Variants in PCDHGA2 observed in about 807,000 individuals in gnomAD.
PCDHGA2 encodes the protein protocadherin gamma-A2.
Under a neutral mutation model 59.2 loss-of-function variants are expected in PCDHGA2, and 40 were observed. The ratio of observed to expected loss-of-function variants is 0.68; its 90% CI spans 0.52 to 0.88. PCDHGA2 has a LOEUF of 0.88. PCDHGA2 is among the 40% of genes least tolerant of loss of function. The pLI is 0.00. For synonymous variants in PCDHGA2, 560 were observed against 526.0 expected, an observed-to-expected ratio of 1.06 and a Z score of -0.89; for missense variants, 1,226 against 1,204.0, an observed-to-expected ratio of 1.02 and a Z score of -0.27.
chr5:141,485,177 C>T lies in PCDHGA2; in HGVS notation c.2425-9630C>T. ...AGAGAATTAGCGGGCGGCAGCAATG[C>T]TCCGCAAGGTGAGAAGCTGGACAGA... On this transcript the variant is annotated intron_variant, in intron 1 of 3. Coordinates refer to ENST00000394576, the MANE Select transcript of PCDHGA2 (RefSeq NM_018915.4). This position sits in a 1 kb window ranked among gnomAD's most constrained non-coding sequence, Gnocchi z 5.7. 1 of 1,612,024 alleles carries T rather than the reference C, an allele frequency of 6.2e-7. No homozygotes were observed. Among genetic ancestry groups the T allele is most frequent in the South Asian group, 1.1e-5 (1 of 90,956 alleles).
In PCDHGA2 at chr5:141,423,562, A is replaced by G. The variant is rs374427537; in HGVS notation, c.2425-71245A>G. On this transcript the variant is annotated intron_variant, in intron 1 of 3. Coordinates refer to ENST00000394576, the MANE Select transcript of PCDHGA2 (RefSeq NM_018915.4). ...TTTCCCCCAGCCCAACTATGGGGAC[A>G]CGCTCATCAGCCAGGAGAGCTGTGA... is the stretch of plus-strand genomic sequence containing the variant. 7 of 1,613,498 alleles carry G rather than the reference A, an allele frequency of 4.3e-6. No homozygotes were observed. The African/African-American group carries it at 8.0e-5, about 18-fold the overall frequency.
chr5:141,378,542 TAATA>T (rs1181738762), intron 1 of PCDHGA2: 54 of 152,104 alleles, frequency 3.6e-4, no homozygotes, highest in Admixed American at 3.5e-3. Flanking sequence ...TAATGATAAT[TAATA>T]AATAAAGAGT....
intron 1 of PCDHGA2, chr5:141,404,765 T>A: frequency 6.2e-7 from 1 of 1,613,120 alleles, no homozygotes; most frequent in Non-Finnish European, 8.5e-7. Context: ...TGCTTGGCTC[T>A]CCTACCGCCT....
At chr5:141,426,898 C>T (rs1246109323) in intron 1 of PCDHGA2, 1 of 456,634 alleles carries the variant, frequency 2.2e-6, no homozygotes, top group African/African-American at 2.0e-5. Flanking sequence ...CAACAGAGCT[C>T]TCATCTCCTG....
intron 1 of PCDHGA2, chr5:141,391,513 C>T (rs1485140932): frequency 6.6e-6 from 1 of 152,096 alleles, no homozygotes; most frequent in Non-Finnish European, 1.5e-5. Flanking sequence ...TATTTTCTTT[C>T]ACTAATTTAA....
At chr5:141,415,437 G>A in intron 1 of PCDHGA2, 1 of 1,614,200 alleles carries the variant, frequency 6.2e-7, no homozygotes, top group Non-Finnish European at 8.5e-7. Flanking sequence ...GGGCTTTCCT[G>A]CAGACCTATT....
chr5:141,393,664 T>A, intron 1 of PCDHGA2: 1 of 1,613,772 alleles, frequency 6.2e-7, no homozygotes. Context: ...TTCCGGAAAA[T>A]TAATGAAAAA....
At chr5:141,345,475 G>A in intron 1 of PCDHGA2, 1 of 1,614,116 alleles carries the variant, frequency 6.2e-7, no homozygotes, top group African/African-American at 1.3e-5. Context: ...GACCCAGATA[G>A]CAACAACAAC....
chr5:141,430,639 A>C, intron 1 of PCDHGA2: 6 of 900,712 alleles, frequency 6.7e-6, no homozygotes, highest in Non-Finnish European at 9.7e-6. Context: ...CATCCCTGGG[A>C]GTATGTGGAA....
intron 1 of PCDHGA2, chr5:141,370,618 T>C: frequency 6.2e-7 from 1 of 1,613,964 alleles, no homozygotes; most frequent in Non-Finnish European, 8.5e-7. Context: ...AAGAAATTCT[T>C]TACCGTGAGC....
At chr5:141,370,759 T>C in intron 1 of PCDHGA2, 3 of 1,614,022 alleles carry the variant, frequency 1.9e-6, no homozygotes, top group Non-Finnish European at 1.7e-6. Flanking sequence ...GTAACTGTGC[T>C]GATCCAGGAT....
chr5:141,489,061 C>A lies in PCDHGA2; in HGVS notation c.2425-5746C>A. On this transcript the variant is annotated intron_variant, in intron 1 of 3. Coordinates refer to ENST00000394576, the MANE Select transcript of PCDHGA2 (RefSeq NM_018915.4). This position sits in a 1 kb window ranked among gnomAD's most constrained non-coding sequence, Gnocchi z 4.5. ...AGCTCCACTCAAATTCAGCTCCCCT[C>A]CCCCCTGCCCACCCCCGCCACTCGG... 5 of 347,080 alleles carry A rather than the reference C, an allele frequency of 1.4e-5. No individual in the cohort carries two copies. The highest frequency in any genetic ancestry group is 2.2e-5 in the African/African-American group (1 of 46,422). 21.5% of individuals were successfully genotyped at this position (347,080 alleles called of 1,614,324 possible). A position where few individuals can be genotyped will look rare whatever the true frequency, so the allele number is the denominator to read the frequency against.
At chr5:141,388,773 G>T (rs769358867) in intron 1 of PCDHGA2, 12 of 1,613,808 alleles carry the variant, frequency 7.4e-6, no homozygotes, top group Non-Finnish European at 9.3e-6. Context: ...CTCTAACACC[G>T]GGGAAATTAC....
At chr5:141,426,022 T>A (rs1174153557) in intron 1 of PCDHGA2, among the ~76,000 whole-genome samples, 3 of 152,204 alleles carry the variant, frequency 2.0e-5, no homozygotes, top group Admixed American at 2.0e-4. Flanking sequence ...GTTTTCTAAA[T>A]AGACTCAGAG....
rs943867570 is a variant in PCDHGA2 at position 141,493,651 on chromosome 5, T to C, written c.2425-1156T>C. On this transcript the variant is annotated intron_variant, in intron 1 of 3. Coordinates refer to ENST00000394576, the MANE Select transcript of PCDHGA2 (RefSeq NM_018915.4). The surrounding 1 kb of genome is among the most constrained non-coding windows in gnomAD (Gnocchi z 4.3). ...AGTGGCTGAGGGCTGGCCATCCCTGTGCCCTTCTCCATGGCAGCCCCAGAA... is the reference window on the plus strand; with the variant it reads ...AGTGGCTGAGGGCTGGCCATCCCTGCGCCCTTCTCCATGGCAGCCCCAGAA... Among the ~76,000 whole-genome samples, 1 of 152,204 alleles carries C rather than the reference T, an allele frequency of 6.6e-6. No individual in the cohort carries two copies. The highest frequency in any genetic ancestry group is 1.5e-5 in the Non-Finnish European group (1 of 68,030).
Position 141,505,424 on chromosome 5 carries a change from C to T in PCDHGA2, c.2515C>T (p.Pro839Ser), listed in dbSNP as rs1422538114. The T allele has an allele frequency of 1.2e-6, 2 of 1,614,200 alleles. No individual in the cohort carries two copies. Among genetic ancestry groups the T allele is most frequent in the Non-Finnish European group, 1.7e-6 (2 of 1,180,028 alleles). Residue 839 changes from proline (P) to serine (S), a missense_variant, in exon 3 of 4, where the codon CCC (proline) becomes TCC (serine). Pro to Ser is a moderately conservative substitution (Grantham distance 74). Transcript: ENST00000394576. ...AAATGGCGATGACACCGGCACCTGG[C>T]CCAACAACCAGTTTGACACAGAGAT... is the stretch of plus-strand genomic sequence containing the variant. ...SQNGDDTGTW[P>S]NNQFDTEMLQ...
At chr5:141,455,506 G>T (rs1307993951) in intron 1 of PCDHGA2, among the ~76,000 whole-genome samples, 1 of 152,152 alleles carries the variant, frequency 6.6e-6, no homozygotes, top group African/African-American at 2.4e-5. Flanking sequence ...ATTTGCATAG[G>T]GCTCAGGGGA....
In PCDHGA2 at chr5:141,493,482, G is replaced by T. The variant is rs184736387; in HGVS notation, c.2425-1325G>T. The stretch of plus-strand genomic sequence containing the variant: ...TTTTAGGACCTTACATGTGGGGAAA[G>T]TCTTCTGTGGCTCCTCATTTCTGAG... On this transcript the variant is annotated intron_variant, in intron 1 of 3. Coordinates refer to ENST00000394576, the MANE Select transcript of PCDHGA2 (RefSeq NM_018915.4). The surrounding 1 kb of genome is among the most constrained non-coding windows in gnomAD (Gnocchi z 4.3). 6.6e-6 allele frequency among the ~76,000 whole-genome samples: 1 copy of T among 152,206 alleles called. No individual in the cohort carries two copies. Among genetic ancestry groups the T allele is most frequent in the Admixed American group, 6.5e-5 (1 of 15,282 alleles).
At chr5:141,366,499 C>G (rs1245088091) in intron 1 of PCDHGA2, 2 of 1,614,262 alleles carry the variant, frequency 1.2e-6, no homozygotes, top group Non-Finnish European at 1.7e-6. Context: ...ACAAGTCACG[C>G]CTGCTTCAGG....
Sources: allele counts gnomAD v4.1 joint callset (sites outside exome capture counted in the v4.1 genomes callset), GRCh38; gene constraint gnomAD v4.1.1; non-coding constraint Gnocchi (gnomAD v3.1); transcripts MANE v1.5; gene names NCBI Gene and HGNC (gene_info 2026-07-23, HGNC 2026-07-21).